Variants in NISCH observed in about 807,000 individuals in gnomAD.
NISCH encodes nischarin.
Under a neutral mutation model 138.4 loss-of-function variants are expected in NISCH, and 55 were observed. The ratio of observed to expected loss-of-function variants is 0.40; its 90% CI spans 0.32 to 0.50. The LOEUF is 0.50. NISCH is among the 20% of genes least tolerant of loss of function. The probability of loss-of-function intolerance (pLI) is 0.71; values close to 1 mark genes in which losing one functional copy is unlikely to be tolerated. For missense variants in NISCH, 1,643 were observed against 2,005.5 expected (o/e 0.82, Z 3.45); for synonymous variants, 860 against 861.5 (o/e 1.00, Z 0.03).
intron 19 of NISCH, 125 bp from the exon 20 acceptor site, chr3:52,491,227 T>C (rs1216220025): frequency 1.4e-6 from 2 of 1,406,916 alleles, no homozygotes; most frequent in African/African-American, 2.9e-5. Context: ...GATTCTTTCC[T>C]GTGTGGGCCC....
chr3:52,481,839 T>G, intron 13 of NISCH: 2 of 985,496 alleles, frequency 2.0e-6, no homozygotes, highest in Non-Finnish European at 2.4e-6. Flanking sequence ...CTGCAGTCTG[T>G]CCCCGCCATC....
intron 3 of NISCH, among the ~76,000 whole-genome samples, chr3:52,465,504 G>T (rs1352129984): frequency 6.6e-6 from 1 of 152,188 alleles, no homozygotes; most frequent in Non-Finnish European, 1.5e-5. Flanking sequence ...GAGCGCAGGG[G>T]TTGCCGCCTG....
At position 52,489,503 on chromosome 3, in the gene NISCH, C is replaced by T. The variant is rs760587532; in HGVS notation, c.3281C>T (p.Ala1094Val). The T allele has an allele frequency of 1.9e-6, 3 of 1,611,482 alleles. No homozygotes were observed. Among genetic ancestry groups the T allele is most frequent in the South Asian group, 1.1e-5 (1 of 91,044 alleles). ...GTCCCAGAGGAGACGCCAGTGGAAGCTCCAGCCCCACCCCCAGCCGAGGCC... is the reference window on the plus strand; with the variant it reads ...GTCCCAGAGGAGACGCCAGTGGAAGTTCCAGCCCCACCCCCAGCCGAGGCC... ...ALVPEETPVE[A>V]PAPPPAEAPA... The change falls in exon 17 of 21, where the codon GCT becomes GTT. Residue 1094 changes from alanine to valine, a missense_variant. By Grantham distance (64) the Ala-to-Val change is moderately conservative. Transcript: ENST00000345716.
chr3:52,485,863 C>A, intron 15 of NISCH, 36 bp downstream of exon 15: 2 of 1,557,138 alleles, frequency 1.3e-6, no homozygotes, highest in East Asian at 2.4e-5. Flanking sequence ...TGGGCCTGGC[C>A]ACACAGCCTT....
chr3:52,460,977 G>A, intron 3 of NISCH, among the ~76,000 whole-genome samples: 1 of 152,200 alleles, frequency 6.6e-6, no homozygotes, highest in Non-Finnish European at 1.5e-5. Context: ...AGTGGCTCAC[G>A]CCTGTAATCC....
Position 52,458,712 on chromosome 3 carries a change from A to C in NISCH, c.228A>C (p.Ile76=). 6.2e-7 allele frequency: 1 copy of C among 1,613,840 alleles called. No homozygotes were observed. Among genetic ancestry groups the C allele is most frequent in the Non-Finnish European group, 8.5e-7 (1 of 1,179,970 alleles). The change falls in exon 3 of 21, where the codon ATA becomes ATC. Residue 76 remains isoleucine, a synonymous_variant. Transcript: ENST00000345716. ...AAAATCTGCTTCCGCCCAAAAAGAT[A>C]ATTGGGAAAAACTCAAGAAGCTTGG... The part of the protein sequence containing the change: ...IDKNLLPPKK[I]IGKNSRSLVE...
chr3:52,456,936 T>C (rs1706491217), intron 1 of NISCH, among the ~76,000 whole-genome samples: 1 of 152,186 alleles, frequency 6.6e-6, no homozygotes, highest in Non-Finnish European at 1.5e-5. Context: ...CACCCTATTC[T>C]GGACTGCGCC....
chr3:52,491,677 C>A (rs1485177809), intron 20 of NISCH, 164 bp downstream of exon 20: 1 of 1,041,388 alleles, frequency 9.6e-7, no homozygotes, highest in Non-Finnish European at 1.4e-6. Context: ...AGTCTCCACT[C>A]CAGCAGTCCC....
At position 52,474,591 on chromosome 3, in the gene NISCH, C is replaced by T. The variant is rs1311086969; in HGVS notation, c.765+762C>T. On this transcript the variant is annotated intron_variant, in intron 7 of 20. Coordinates refer to ENST00000345716, the MANE Select transcript of NISCH (RefSeq NM_007184.4). ...GATTACAGGCGTGAGCCACCGCGCC[C>T]GGCCTAGGTTTTGTATTTTTAGTAG... 5.3e-5 allele frequency among the ~76,000 whole-genome samples: 8 copies of T among 152,238 alleles called. No homozygotes were observed. In the East Asian group the frequency reaches 5.8e-4, roughly 11 times the overall value.
chr3:52,476,706 A>G, intron 8 of NISCH, 107 bp downstream of exon 8: 1 of 1,135,938 alleles, frequency 8.8e-7, no homozygotes, highest in Non-Finnish European at 1.3e-6. Context: ...ACCTATATCT[A>G]GTGCTCTGTG....
chr3:52,490,787 G>C lies in NISCH; in HGVS notation c.3696G>C (p.Leu1232=). Residue 1232 remains leucine (L), a synonymous_variant, in exon 19 of 21, where the codon CTG becomes CTC. Coordinates refer to ENST00000345716, the MANE Select transcript of NISCH (RefSeq NM_007184.4). Reference sequence around the variant, plus strand: ...GCTTCGTGCTAAAGCTTAGTGACCTGCAGTCAGTCAATGTGGGGCTTTTCG... The same window carrying C: ...GCTTCGTGCTAAAGCTTAGTGACCTCCAGTCAGTCAATGTGGGGCTTTTCG... ...SQCFVLKLSD[L]QSVNVGLFDQ... 6.2e-7 allele frequency: 1 copy of C among 1,614,214 alleles called. No homozygotes were observed. Among genetic ancestry groups the C allele is most frequent in the South Asian group, 1.1e-5 (1 of 91,084 alleles).
intron 17 of NISCH, 122 bp from the exon 18 acceptor site, chr3:52,489,953 A>G (rs1707516361): frequency 8.0e-6 from 11 of 1,375,114 alleles, no homozygotes; most frequent in Middle Eastern, 2.0e-4. Flanking sequence ...GCCTTGAAGC[A>G]TACGGATTCA....
intron 3 of NISCH, among the ~76,000 whole-genome samples, chr3:52,461,249 A>G (rs1245857926): frequency 6.6e-6 from 1 of 152,160 alleles, no homozygotes; most frequent in Non-Finnish European, 1.5e-5. Flanking sequence ...AAAAAACAAA[A>G]ACAGAAGAAA....
intron 11 of NISCH, among the ~76,000 whole-genome samples, chr3:52,479,008 C>T (rs1707185968): frequency 6.6e-6 from 1 of 152,124 alleles, no homozygotes; most frequent in African/African-American, 2.4e-5. Context: ...TGGAGCAGTC[C>T]CCGTGATGCT....
At chr3:52,481,411 A>G in intron 13 of NISCH, 2 of 986,452 alleles carry the variant, frequency 2.0e-6, no homozygotes, top group Non-Finnish European at 2.4e-6. Flanking sequence ...TGCCAGGATG[A>G]TTGCCCATTT....
Sources: gnomAD v4.1 joint callset for allele counts (sites outside exome capture counted in the v4.1 genomes callset) on GRCh38, gnomAD v4.1.1 for gene constraint, MANE v1.5 for transcripts, NCBI Gene and HGNC (gene_info 2026-07-23, HGNC 2026-07-21) for gene names.